ZNF726: variants seen among roughly 807,000 people sequenced by gnomAD.
ZNF726 encodes the protein zinc finger protein 726.
Under a neutral mutation model 11.6 loss-of-function variants are expected in ZNF726, and 15 were observed. The observed-to-expected ratio is 1.29, with a 90% confidence interval of 0.86 to 1.99. The LOEUF (loss-of-function observed/expected upper bound fraction) is 1.99, where lower values mean the gene tolerates loss of function less well. ZNF726 is among the 30% of genes most tolerant of loss of function. The pLI is 0.00. For missense variants in ZNF726, 890 were observed against 725.6 expected (o/e 1.23, Z -2.60); for synonymous variants, 295 against 243.6 (o/e 1.21, Z -1.96).
intron 1 of ZNF726, among the ~76,000 whole-genome samples, chr19:23,916,488 G>A (rs1427693478): frequency 6.6e-6 from 1 of 151,992 alleles, no homozygotes; most frequent in African/African-American, 2.4e-5. Flanking sequence ...CTGGCACCAC[G>A]CCTGGCTAAT....
downstream of ZNF726, among the ~76,000 whole-genome samples, chr19:23,938,349 T>C (rs1322470124): frequency 6.6e-6 from 1 of 152,132 alleles, no homozygotes; most frequent in Non-Finnish European, 1.5e-5. Context: ...TTGAAACTAT[T>C]TTTAGCCAAA....
downstream of ZNF726, among the ~76,000 whole-genome samples, chr19:23,939,001 T>C (rs1057454086): frequency 2.0e-5 from 3 of 152,028 alleles, no homozygotes; most frequent in African/African-American, 7.2e-5. Flanking sequence ...TTTATTGGGG[T>C]ACAGGTGGTG....
intron 1 of ZNF726, among the ~76,000 whole-genome samples, chr19:23,918,394 T>C (rs1967756785): frequency 6.6e-6 from 1 of 152,340 alleles, no homozygotes; most frequent in Admixed American, 6.5e-5. Context: ...TGTCGGGAGA[T>C]ACCTGCTTAT....
rs1413447018 is a variant in ZNF726, at chr19:23,934,186, C to A, written c.*219C>A. On this transcript the variant is annotated 3_prime_UTR_variant, in exon 4 of 4. Coordinates refer to ENST00000594466, the MANE Select transcript of ZNF726 (RefSeq NM_001244038.2). Reference sequence around the variant, plus strand: ...AGCTTTTAATCATTCTCAAATCTTACTACACATAAGATAATTCATACTGGA... The same window carrying A: ...AGCTTTTAATCATTCTCAAATCTTAATACACATAAGATAATTCATACTGGA... 5.0e-6 allele frequency: 4 copies of A among 806,566 alleles called. No homozygotes were observed. Among genetic ancestry groups the A allele is most frequent in the Non-Finnish European group, 8.6e-6 (4 of 463,622 alleles). 50.0% of individuals were successfully genotyped at this position (806,566 alleles called of 1,614,324 possible).
chr19:23,915,944 C>A (rs1289488299), intron 1 of ZNF726, among the ~76,000 whole-genome samples: 2 of 152,156 alleles, frequency 1.3e-5, no homozygotes, highest in Non-Finnish European at 2.9e-5. Flanking sequence ...GCTTAATTGG[C>A]AGTTTATAGT....
chr19:23,942,972 A>G (rs938818148), intron 3 of ZNF726, among the ~76,000 whole-genome samples: 6 of 152,024 alleles, frequency 3.9e-5, no homozygotes, highest in South Asian at 2.1e-4. Flanking sequence ...TGTGATGTAC[A>G]ATTACATTCA....
At chr19:23,916,944 C>T (rs1309846753) in intron 1 of ZNF726, among the ~76,000 whole-genome samples, 1 of 152,060 alleles carries the variant, frequency 6.6e-6, no homozygotes, top group African/African-American at 2.4e-5. Flanking sequence ...TTGCTTTGAC[C>T]TAAAGTTTAT....
Position 23,933,458 on chromosome 19 carries a change from A to G in ZNF726, c.1342A>G (p.Thr448Ala), listed in dbSNP as rs770441776. ...SNLTEHKKIH[T>A]REKPYKCEEC... ...CCTTACTGAACATAAGAAAATTCAT[A>G]CTAGAGAGAAACCCTACAAATGTGA... is the stretch of plus-strand genomic sequence containing the variant. Residue 448 changes from threonine (T) to alanine (A), a missense_variant, in exon 4 of 4, where the codon ACT becomes GCT. By Grantham distance (58) the Thr-to-Ala change is moderately conservative (BLOSUM62 0). Coordinates refer to ENST00000594466, the MANE Select transcript of ZNF726 (RefSeq NM_001244038.2). 8 of 1,612,622 alleles carry G rather than the reference A, an allele frequency of 5.0e-6. No homozygotes were observed. The Admixed American group carries it at 1.0e-4, about 20-fold the overall frequency.
In ZNF726 at chr19:23,919,388, AG is replaced by A. The variant is rs1482051223; in HGVS notation, c.22del (p.Asp8MetfsTer4). On this transcript the variant is annotated frameshift_variant, in exon 2 of 4. Coordinates refer to ENST00000594466, the MANE Select transcript of ZNF726 (RefSeq NM_001244038.2). LOFTEE classifies it high-confidence loss of function. The stretch of plus-strand genomic sequence containing the variant: ...TATTTTCCAGGGACTGTTGACATTT[AG>A]GGATGTGGCCATAGAATTCTCTCTG... MGLLTF[R>X]DVAIEFSLEE... The A allele has an allele frequency of 1.2e-6, 2 of 1,606,716 alleles. No individual in the cohort carries two copies. The highest frequency in any genetic ancestry group is 1.7e-6 in the Non-Finnish European group (2 of 1,175,640).
At position 23,919,433 on chromosome 19, in the gene ZNF726, G is replaced by T. The variant is rs1967786206; in HGVS notation, c.64G>T (p.Asp22Tyr). The T allele has an allele frequency of 1.2e-6, 2 of 1,608,204 alleles. No homozygotes were observed. The highest frequency in any genetic ancestry group is 1.3e-5 in the African/African-American group (1 of 74,776). The change falls in exon 2 of 4, where the codon GAC becomes TAC. Residue 22 changes from aspartate to tyrosine, a missense_variant. Transcript: ENST00000594466. Reference protein sequence around the residue: ...EFSLEEWQCLDTAQKNLYRNV... With the variant: ...EFSLEEWQCLYTAQKNLYRNV... ...CTCTCTGGAGGAGTGGCAGTGCCTG[G>T]ACACTGCACAGAAGAATTTATATAG...
At chr19:23,930,072 G>A (rs1968073041) in intron 3 of ZNF726, among the ~76,000 whole-genome samples, 1 of 152,132 alleles carries the variant, frequency 6.6e-6, no homozygotes, top group Admixed American at 6.5e-5. Context: ...AAAATTAGAG[G>A]CATGAGCCAC....
chr19:23,933,639 C>T lies in ZNF726; in HGVS notation c.1523C>T (p.Pro508Leu), dbSNP rs1968170048. ...AHKIIHTGEK[P>L]YKCEECGKAF... ...AAGATAATTCATACTGGAGAGAAAC[C>T]CTACAAATGTGAAGAATGTGGCAAA... Residue 508 changes from proline to leucine, a missense_variant, in exon 4 of 4, where the codon CCC (proline) becomes CTC (leucine). Transcript: ENST00000594466. 1 of 1,612,664 alleles carries T rather than the reference C, an allele frequency of 6.2e-7. No individual in the cohort carries two copies. Among genetic ancestry groups the T allele is most frequent in the Non-Finnish European group, 8.5e-7 (1 of 1,179,992 alleles).
chr19:23,919,286 A>G (rs954351600), intron 1 of ZNF726, 87 bp from the exon 2 acceptor site: 20 of 1,559,800 alleles, frequency 1.3e-5, no homozygotes, highest in Admixed American at 7.4e-5. Context: ...AATCAATTCT[A>G]TTCACTTTCT....
At chr19:23,936,757 TTTTA>T (rs199617310), downstream of ZNF726, among the ~76,000 whole-genome samples, 1,696 of 151,664 alleles carry the variant, frequency 0.011, 36 homozygotes, top group African/African-American at 0.038. Flanking sequence ...TTAATTTATT[TTTTA>T]TTTATTTATT....
At chr19:23,935,582 T>C, downstream of ZNF726, 2 of 311,124 alleles carry the variant, frequency 6.4e-6, 1 homozygote, top group South Asian at 5.8e-5. Flanking sequence ...TGACAGCATC[T>C]CAAACTTTTC....
intron 3 of ZNF726, among the ~76,000 whole-genome samples, chr19:23,930,672 T>C (rs1052635139): frequency 6.6e-6 from 1 of 152,106 alleles, no homozygotes; most frequent in South Asian, 2.1e-4. Flanking sequence ...TGTGTAGATG[T>C]GAAGTCATAA....
At chr19:23,936,963 A>G (rs1968243962), downstream of ZNF726, among the ~76,000 whole-genome samples, 1 of 151,788 alleles carries the variant, frequency 6.6e-6, no homozygotes, top group Non-Finnish European at 1.5e-5. Flanking sequence ...GTTCTCAATG[A>G]GCTGTTGGGT....
rs781633817 is a variant in ZNF726 at position 23,934,227 on chromosome 19, T to C, written c.*260T>C. 12 of 717,100 alleles carry C rather than the reference T, an allele frequency of 1.7e-5. No individual in the cohort carries two copies. The East Asian group carries it at 3.5e-4, about 21-fold the overall frequency. The allele number at this position is 717,100 out of a possible 1,614,324, so 44.4% of individuals were successfully genotyped here. On this transcript the variant is annotated 3_prime_UTR_variant, in exon 4 of 4. Coordinates refer to ENST00000594466, the MANE Select transcript of ZNF726 (RefSeq NM_001244038.2). ...TCATACTGGAAATAAACCCTACAAATGTGAAAAATGTGGCAAAGCATATGG... is the reference window on the plus strand; with the variant it reads ...TCATACTGGAAATAAACCCTACAAACGTGAAAAATGTGGCAAAGCATATGG...
In ZNF726 at chr19:23,934,231, A is replaced by C. The variant is rs756645940; in HGVS notation, c.*264A>C. 9 of 726,558 alleles carry C rather than the reference A, an allele frequency of 1.2e-5. No homozygotes were observed. The Admixed American group carries it at 1.7e-4, about 14-fold the overall frequency. 45.0% of individuals were successfully genotyped at this position (726,558 alleles called of 1,614,324 possible). A position where few individuals can be genotyped will look rare whatever the true frequency, so the allele number is the denominator to read the frequency against. On this transcript the variant is annotated 3_prime_UTR_variant, in exon 4 of 4. Transcript: ENST00000594466. ...ACTGGAAATAAACCCTACAAATGTG[A>C]AAAATGTGGCAAAGCATATGGTCCA...
Sources: gnomAD v4.1 joint callset for allele counts (sites outside exome capture counted in the v4.1 genomes callset) on GRCh38, gnomAD v4.1.1 for gene constraint, MANE v1.5 for transcripts, NCBI Gene and HGNC (gene_info 2026-07-23, HGNC 2026-07-21) for gene names.